OPRM1: variants seen among roughly 807,000 people sequenced by gnomAD.
OPRM1 encodes mu-type opioid receptor.
OPRM1 carries 27 observed loss-of-function variants against 31.8 expected under a neutral mutation model. That is an observed-to-expected ratio of 0.85 (90% CI 0.63 to 1.17). The LOEUF is 1.17. OPRM1 is among the 50% of genes most tolerant of loss of function. The pLI, the probability that OPRM1 is intolerant of heterozygous loss-of-function variation, is 0.00. For synonymous variants in OPRM1, 196 were observed against 189.9 expected, an observed-to-expected ratio of 1.03 and a Z score of -0.26; for missense variants, 536 against 511.1, an observed-to-expected ratio of 1.05 and a Z score of -0.47.
intron 3 of OPRM1, among the ~76,000 whole-genome samples, chr6:154,165,067 T>C (rs1346374599): frequency 6.6e-6 from 1 of 152,216 alleles, no homozygotes; most frequent in African/African-American, 2.4e-5. Context: ...TGAAACTCTG[T>C]TGTCTTTGCT....
At chr6:154,096,048 GTTGT>G (rs1413496350) in intron 3 of OPRM1, among the ~76,000 whole-genome samples, 4 of 151,854 alleles carry the variant, frequency 2.6e-5, no homozygotes, top group Admixed American at 2.0e-4. Flanking sequence ...TGTTATTGTT[GTTGT>G]TTGTTTGTTT....
intron 3 of OPRM1, among the ~76,000 whole-genome samples, chr6:154,197,865 C>T (rs559724904): frequency 5.3e-5 from 8 of 152,228 alleles, no homozygotes; most frequent in South Asian, 2.1e-4. Flanking sequence ...GTTCTACTTA[C>T]GACCCAGTGA....
At position 154,151,167 on chromosome 6, in the gene OPRM1, C is replaced by T. The variant is rs561412064; in HGVS notation, c.1164+59695C>T. 2.0e-5 allele frequency among the ~76,000 whole-genome samples: 3 copies of T among 152,326 alleles called. No homozygotes were observed. In the South Asian group the frequency reaches 6.2e-4, roughly 32 times the overall value. On this transcript the variant is annotated intron_variant, in intron 3 of 3. Coordinates refer to the OPRM1 transcript ENST00000337049. Reference sequence around the variant, plus strand: ...ATCTCTCTAATTCCATCCTTACGATCGGTATCCTGGGTCCTTTCCAGTACT... The same window carrying T: ...ATCTCTCTAATTCCATCCTTACGATTGGTATCCTGGGTCCTTTCCAGTACT...
chr6:154,138,091 A>G (rs934427976), intron 3 of OPRM1, among the ~76,000 whole-genome samples: 1 of 152,184 alleles, frequency 6.6e-6, no homozygotes, highest in Middle Eastern at 3.2e-3. Context: ...TACTAATTAA[A>G]ATTCTGAGCT....
chr6:154,199,038 A>T (rs1776861669), intron 3 of OPRM1, among the ~76,000 whole-genome samples: 1 of 152,244 alleles, frequency 6.6e-6, no homozygotes, highest in Non-Finnish European at 1.5e-5. Flanking sequence ...TTATCAGAGT[A>T]TTTTTTAAAC....
In OPRM1 at chr6:154,124,719, G is replaced by A. The variant is rs1797489063; in HGVS notation, c.*5998G>A. 6.6e-6 allele frequency among the ~76,000 whole-genome samples: 1 copy of A among 152,144 alleles called. No homozygotes were observed. Among genetic ancestry groups the A allele is most frequent in the African/African-American group, 2.4e-5 (1 of 41,430 alleles). ...ATACTACTGGGTCTCAGACAGTGCA[G>A]AAGCTTTATTGTTTATTTGGGAAGA... On this transcript the variant is annotated 3_prime_UTR_variant, in exon 4 of 4. Coordinates refer to ENST00000330432, the MANE Select transcript of OPRM1 (RefSeq NM_000914.5).
chr6:154,039,928 G>C, intron 1 of OPRM1, 94 bp downstream of exon 1: 3 of 1,167,794 alleles, frequency 2.6e-6, no homozygotes, highest in Non-Finnish European at 3.5e-6. Context: ...TTGGGCGGGA[G>C]GATGAAAGAG....
At chr6:154,193,745 G>A (rs1802139935) in intron 3 of OPRM1, among the ~76,000 whole-genome samples, 1 of 152,210 alleles carries the variant, frequency 6.6e-6, no homozygotes, top group African/African-American at 2.4e-5. Flanking sequence ...CTGCCAGACA[G>A]ACAAGGAGGA....
intron 3 of OPRM1, among the ~76,000 whole-genome samples, chr6:154,184,082 C>T (rs938669371): frequency 2.6e-5 from 4 of 151,950 alleles, no homozygotes; most frequent in African/African-American, 7.2e-5. Flanking sequence ...GCTGGTACAG[C>T]TGTTGTTGTT....
At chr6:154,207,189 C>T (rs1490684483) in intron 3 of OPRM1, among the ~76,000 whole-genome samples, 1 of 152,168 alleles carries the variant, frequency 6.6e-6, no homozygotes, top group Admixed American at 6.5e-5. Flanking sequence ...GGAGAGCCAC[C>T]GGGCTGCGTG....
At chr6:154,034,100 C>A (rs764477729) in intron 1 of OPRM1, among the ~76,000 whole-genome samples, 8 of 152,200 alleles carry the variant, frequency 5.3e-5, no homozygotes, top group Non-Finnish European at 1.0e-4. Flanking sequence ...GAGTACATCT[C>A]TTTAAATCTG....
At chr6:154,246,813 A>G (rs1781078014) in exon 4 of OPRM1, 1 of 1,585,978 alleles carries the variant, frequency 6.3e-7, no homozygotes, top group Non-Finnish European at 8.6e-7. Context: ...TTTGGTAGGT[A>G]AAGTATTATC....
chr6:154,142,084 C>A (rs550454928), intron 3 of OPRM1, among the ~76,000 whole-genome samples: 1 of 145,832 alleles, frequency 6.9e-6, no homozygotes, highest in Non-Finnish European at 1.5e-5. Context: ...CCAACTCTCA[C>A]GCTCTGGACC....
At chr6:154,032,625 G>T (rs548523253) in intron 1 of OPRM1, among the ~76,000 whole-genome samples, 2 of 152,188 alleles carry the variant, frequency 1.3e-5, no homozygotes, top group East Asian at 1.9e-4. Flanking sequence ...GTAGAGATGG[G>T]ATTCTGCTAT....
chr6:154,245,737 C>T (rs1780980652), intron 3 of OPRM1, among the ~76,000 whole-genome samples: 1 of 152,194 alleles, frequency 6.6e-6, no homozygotes, highest in Non-Finnish European at 1.5e-5. Context: ...TACAAAGGGA[C>T]TCACACTCTC....
chr6:154,010,697 C>G (rs1777679281), exon 1 of OPRM1: 13 of 1,442,920 alleles, frequency 9.0e-6, no homozygotes, highest in Non-Finnish European at 1.1e-5. Context: ...CCGGGTCAGA[C>G]AGGCTTCTGG....
intron 3 of OPRM1, among the ~76,000 whole-genome samples, chr6:154,193,316 A>C (rs2128583574): frequency 6.6e-6 from 1 of 152,320 alleles, no homozygotes; most frequent in African/African-American, 2.4e-5. Flanking sequence ...GAGCTAAGCT[A>C]TGAGGATGCA....
intron 3 of OPRM1, chr6:154,159,567 C>T: frequency 6.3e-6 from 3 of 478,528 alleles, no homozygotes; most frequent in Non-Finnish European, 1.1e-5. Context: ...AGCCCCACAT[C>T]ACCGTGAGCT....
At chr6:154,134,398 G>T (rs1029363669), downstream of OPRM1, among the ~76,000 whole-genome samples, 2 of 152,140 alleles carry the variant, frequency 1.3e-5, no homozygotes, top group Non-Finnish European at 2.9e-5. Flanking sequence ...GAGGCAGGAG[G>T]GTGCCCTCTC....
Sources: gnomAD v4.1 joint callset for allele counts (sites outside exome capture counted in the v4.1 genomes callset) on GRCh38, gnomAD v4.1.1 for gene constraint, MANE v1.5 for transcripts, NCBI Gene and HGNC (gene_info 2026-07-23, HGNC 2026-07-21) for gene names.